Variants in RBFOX1 observed in about 807,000 individuals in gnomAD.
RBFOX1 encodes the protein RNA binding protein fox-1 homolog 1.
RBFOX1 carries 8 observed loss-of-function variants against 57.7 expected under a neutral mutation model. That is an observed-to-expected ratio of 0.14 (90% CI 0.08 to 0.25). The LOEUF is 0.25. Ranked by LOEUF, RBFOX1 falls within the 10% of genes least tolerant of loss-of-function variation. The pLI, the probability that RBFOX1 is intolerant of heterozygous loss-of-function variation, is 1.00. For missense variants in RBFOX1, 611 were observed against 548.5 expected (o/e 1.11, Z -1.14); for synonymous variants, 326 against 222.4 (o/e 1.47, Z -4.15).
chr16:6,595,269 G>A (rs2097766055), intron 2 of RBFOX1, among the ~76,000 whole-genome samples: 1 of 152,152 alleles, frequency 6.6e-6, no homozygotes, highest in South Asian at 2.1e-4. Context: ...ATCTCTATAG[G>A]TTTACCTATT....
chr16:6,517,491 C>A (rs1306399956), intron 2 of RBFOX1, among the ~76,000 whole-genome samples: 4 of 152,098 alleles, frequency 2.6e-5, no homozygotes, highest in Admixed American at 2.6e-4. Context: ...TCCTGTCTCC[C>A]AGCTGGCTTC....
At chr16:6,155,828 C>T (rs151174624) in intron 1 of RBFOX1, among the ~76,000 whole-genome samples, 1 of 152,078 alleles carries the variant, frequency 6.6e-6, no homozygotes, top group African/African-American at 2.4e-5. Flanking sequence ...TTTAAAAGAA[C>T]ACACTTTATT....
intron 1 of RBFOX1, among the ~76,000 whole-genome samples, chr16:6,181,720 C>T (rs2097064598): frequency 6.6e-6 from 1 of 152,246 alleles, no homozygotes; most frequent in African/African-American, 2.4e-5. Context: ...CACTATGGTT[C>T]TACAGGATAA....
chr16:6,680,451 G>A (rs1451298367), intron 3 of RBFOX1, among the ~76,000 whole-genome samples: 4 of 151,848 alleles, frequency 2.6e-5, no homozygotes, highest in African/African-American at 9.7e-5. Flanking sequence ...TTTTAGTAGA[G>A]ACGAGGTTTC....
intron 4 of RBFOX1, among the ~76,000 whole-genome samples, chr16:7,272,793 G>T (rs1377080513): frequency 6.6e-6 from 1 of 152,076 alleles, no homozygotes; most frequent in African/African-American, 2.4e-5. Context: ...TCTTTTCACA[G>T]AACCAGTGAC....
chr16:6,665,323 G>T (rs2098725007), intron 3 of RBFOX1, among the ~76,000 whole-genome samples: 1 of 152,164 alleles, frequency 6.6e-6, no homozygotes, highest in Non-Finnish European at 1.5e-5. Flanking sequence ...ACTAAAAAAT[G>T]AGGGAGGGGG....
At chr16:6,488,982 A>G (rs147171244) in intron 2 of RBFOX1, among the ~76,000 whole-genome samples, 1,789 of 152,318 alleles carry the variant, frequency 0.012, 13 homozygotes, top group Middle Eastern at 0.041. Flanking sequence ...TACTGTGACT[A>G]GGATCATGAT....
chr16:6,123,134 A>G (rs1426448496), intron 1 of RBFOX1, among the ~76,000 whole-genome samples: 1 of 152,218 alleles, frequency 6.6e-6, no homozygotes, highest in Admixed American at 6.5e-5. Context: ...CTTATGATGC[A>G]GCATTTCCAT....
intron 3 of RBFOX1, among the ~76,000 whole-genome samples, chr16:5,682,733 G>C (rs992897770): frequency 6.6e-6 from 1 of 152,172 alleles, no homozygotes; most frequent in Non-Finnish European, 1.5e-5. Flanking sequence ...TTGAAAGAGA[G>C]GTGTCTTCAT....
At chr16:5,737,910 G>T (rs1597041575) in intron 3 of RBFOX1, among the ~76,000 whole-genome samples, 1 of 152,022 alleles carries the variant, frequency 6.6e-6, no homozygotes, top group South Asian at 2.1e-4. Flanking sequence ...AGAACGTGCA[G>T]GTTTGTTACA....
chr16:7,463,941 C>G (rs2060027198), intron 4 of RBFOX1, among the ~76,000 whole-genome samples: 1 of 152,138 alleles, frequency 6.6e-6, no homozygotes, highest in African/African-American at 2.4e-5. Context: ...TTTAAAAAGC[C>G]AAGACATTGA....
intron 3 of RBFOX1, among the ~76,000 whole-genome samples, chr16:6,976,118 C>A (rs1307813112): frequency 6.8e-6 from 1 of 146,928 alleles, no homozygotes; most frequent in South Asian, 2.2e-4. Context: ...CAGAGTGAGA[C>A]TCCGTCTCAA....
intron 2 of RBFOX1, among the ~76,000 whole-genome samples, chr16:6,402,129 T>A (rs1195810627): frequency 1.3e-5 from 2 of 151,648 alleles, no homozygotes; most frequent in African/African-American, 4.8e-5. Context: ...GTGAGTCCTG[T>A]CCCAAAAAAA....
At position 6,086,746 on chromosome 16, in the gene RBFOX1, C is replaced by A. The variant is rs139854460; in HGVS notation, c.-127+66754C>A. Among the ~76,000 whole-genome samples the A allele has an allele frequency of 1.0e-3, 155 of 152,248 alleles. 1 individual carries two copies. The East Asian group carries it at 0.019, about 19-fold the overall frequency. ...ACATGTGGCTAAGCCTATTGCATCA[C>A]CTTGTACAAAAGAGATATTCAGCAG... On this transcript the variant is annotated intron_variant, in intron 1 of 15. Transcript: ENST00000550418.
chr16:6,444,397 T>C (rs1287383457), intron 2 of RBFOX1, among the ~76,000 whole-genome samples: 1 of 152,070 alleles, frequency 6.6e-6, no homozygotes, highest in Non-Finnish European at 1.5e-5. Context: ...TTCCTACGGG[T>C]CATGGGAGGG....
intron 1 of RBFOX1, among the ~76,000 whole-genome samples, chr16:6,101,384 A>G (rs868234654): frequency 6.6e-6 from 1 of 152,180 alleles, no homozygotes; most frequent in African/African-American, 2.4e-5. Context: ...GTTAGCATCC[A>G]TGTGTGGCTT....
intron 2 of RBFOX1, among the ~76,000 whole-genome samples, chr16:5,546,995 A>C (rs151294758): frequency 3.2e-4 from 48 of 152,318 alleles, no homozygotes; most frequent in African/African-American, 1.0e-3. Flanking sequence ...AATCACATGA[A>C]AACTTGTTCA....
chr16:7,549,479 A>G (rs921362940), intron 5 of RBFOX1, among the ~76,000 whole-genome samples: 2 of 152,146 alleles, frequency 1.3e-5, no homozygotes, highest in African/African-American at 2.4e-5. Flanking sequence ...GGGGGAGTTT[A>G]TAAAGGAGAA....
At chr16:6,763,358 C>T (rs572861890) in intron 3 of RBFOX1, among the ~76,000 whole-genome samples, 8 of 152,182 alleles carry the variant, frequency 5.3e-5, no homozygotes, top group Non-Finnish European at 1.2e-4. Flanking sequence ...CCAGTGATTA[C>T]TTTCCTGTTG....
Sources: gnomAD v4.1 joint callset for allele counts (sites outside exome capture counted in the v4.1 genomes callset) on GRCh38, gnomAD v4.1.1 for gene constraint, MANE v1.5 for transcripts, NCBI Gene and HGNC (gene_info 2026-07-23, HGNC 2026-07-21) for gene names.